PITPNM3: variants seen among roughly 807,000 people sequenced by gnomAD.
The protein encoded by PITPNM3 is PITPNM family member 3.
A neutral mutation model predicts 102.0 loss-of-function variants in PITPNM3; 26 were observed. The observed-to-expected ratio is 0.25, with a 90% CI of 0.19 to 0.35. The LOEUF (loss-of-function observed/expected upper bound fraction) is 0.35. Among genes scored for constraint, PITPNM3 ranks in the 10% least tolerant of loss-of-function variants. PITPNM3 has a pLI of 1.00. For synonymous variants in PITPNM3, 578 were observed against 558.6 expected (o/e 1.03, Z -0.49); for missense variants, 1,083 against 1,346.1 (o/e 0.80, Z 3.06).
chr17:6,500,334 A>G (rs17202194), intron 4 of PITPNM3, among the ~76,000 whole-genome samples: 34,039 of 152,192 alleles, frequency 0.22, 3,924 homozygotes, highest in South Asian at 0.31. Context: ...AATGCAAGCC[A>G]TTGCGATTCT....
At chr17:6,465,121 C>T (rs935339104) in intron 14 of PITPNM3, among the ~76,000 whole-genome samples, 6 of 152,174 alleles carry the variant, frequency 3.9e-5, no homozygotes, top group Admixed American at 2.0e-4. Flanking sequence ...GGCGCAATCT[C>T]GGCTCACCGC....
At chr17:6,473,113 G>C (rs777231128) in intron 10 of PITPNM3, 138 of 477,842 alleles carry the variant, frequency 2.9e-4, no homozygotes, top group Admixed American at 1.6e-3. Flanking sequence ...CCTTCTCCTT[G>C]TGGGCCCTCC....
intron 3 of PITPNM3, among the ~76,000 whole-genome samples, chr17:6,513,968 A>G (rs1003417226): frequency 1.2e-4 from 19 of 152,220 alleles, no homozygotes; most frequent in African/African-American, 4.1e-4. Context: ...AAATAAACCC[A>G]TATGTCTATG....
intron 1 of PITPNM3, among the ~76,000 whole-genome samples, chr17:6,549,416 C>T (rs1008087547): frequency 6.6e-6 from 1 of 152,234 alleles, no homozygotes; most frequent in African/African-American, 2.4e-5. Flanking sequence ...CAAATCCAGC[C>T]CTAGGAGAGC....
At chr17:6,534,183 C>G (rs1366043646) in intron 2 of PITPNM3, among the ~76,000 whole-genome samples, 2 of 152,200 alleles carry the variant, frequency 1.3e-5, no homozygotes, top group Non-Finnish European at 2.9e-5. Context: ...CCTGTCTTGA[C>G]AGGGGAGGGA....
chr17:6,503,476 T>C, intron 4 of PITPNM3, 51 bp downstream of exon 4: 1 of 1,586,974 alleles, frequency 6.3e-7, no homozygotes, highest in Admixed American at 1.7e-5. Flanking sequence ...TCAATGAGCT[T>C]GCACCCATCC....
intron 10 of PITPNM3, 144 bp downstream of exon 10, chr17:6,474,288 C>A: frequency 8.4e-7 from 1 of 1,186,684 alleles, no homozygotes; most frequent in Non-Finnish European, 1.2e-6. Flanking sequence ...CTCTTCCCCA[C>A]CCTCTCTCCT....
chr17:6,514,942 T>C (rs920832125), intron 3 of PITPNM3, among the ~76,000 whole-genome samples: 2 of 152,192 alleles, frequency 1.3e-5, no homozygotes, highest in African/African-American at 4.8e-5. Flanking sequence ...TGACTTATGC[T>C]ACAACGTGGA....
chr17:6,497,072 C>A (rs1906876291), intron 4 of PITPNM3, among the ~76,000 whole-genome samples: 1 of 152,174 alleles, frequency 6.6e-6, no homozygotes, highest in Non-Finnish European at 1.5e-5. Context: ...ACGTCTGCCA[C>A]CCTGAGCTCA....
In PITPNM3 at chr17:6,521,622, A is replaced by AT. The variant is rs1417524773; in HGVS notation, c.226+3733_226+3734insA. On this transcript the variant is annotated intron_variant, in intron 3 of 19. Coordinates refer to ENST00000262483, the MANE Select transcript of PITPNM3 (RefSeq NM_031220.4). ...TGAAGGATCCCTTTCCATTAAAAAA[A>AT]AATATATATATATACTGGGCAATAT... Among the ~76,000 whole-genome samples the AT allele has an allele frequency of 1.6e-3, 236 of 151,664 alleles. 1 individual carries two copies. Among genetic ancestry groups the AT allele is most frequent in the African/African-American group, 4.9e-3 (204 of 41,478 alleles).
intron 1 of PITPNM3, among the ~76,000 whole-genome samples, chr17:6,552,004 G>A (rs1241338399): frequency 6.6e-6 from 1 of 152,260 alleles, no homozygotes; most frequent in South Asian, 2.1e-4. Flanking sequence ...CCTCTCACGG[G>A]CCCTCAGCGA....
Position 6,463,723 on chromosome 17 carries a change from G to A in PITPNM3, c.2306+9C>T. ...GGGAGATATAGCCCTCGTGGAAGGT[G>A]GCACTCACCGGACAACATCCACTGC... On this transcript the variant is annotated intron_variant, in intron 17 of 19. Transcript: ENST00000262483. 6.2e-7 allele frequency: 1 copy of A among 1,610,654 alleles called. No individual in the cohort carries two copies. The highest frequency in any genetic ancestry group is 8.5e-7 in the Non-Finnish European group (1 of 1,179,532).
rs1904656986 is a variant in PITPNM3 at position 6,464,405 on chromosome 17, G to A, written c.2008-87C>T. On this transcript the variant is annotated intron_variant, in intron 15 of 19. Transcript: ENST00000262483. ...GGGCTGGGCGGGGGAACTCTGGGCT[G>A]AGGTCCCTGCCTGACATTCCCTGGC... The A allele has an allele frequency of 2.8e-6, 4 of 1,417,934 alleles. No homozygotes were observed. The African/African-American group carries it at 4.2e-5, about 15-fold the overall frequency. The allele number at this position is 1,417,934 out of a possible 1,614,324, so 87.8% of individuals were successfully genotyped here. A position where few individuals can be genotyped will look rare whatever the true frequency, so the allele number is the denominator to read the frequency against.
At chr17:6,503,807 C>T (rs1907329017) in intron 3 of PITPNM3, among the ~76,000 whole-genome samples, 1 of 152,150 alleles carries the variant, frequency 6.6e-6, no homozygotes, top group Non-Finnish European at 1.5e-5. Context: ...CCTCTGCCTC[C>T]TCAGGCGTTT....
chr17:6,540,411 C>T (rs77346622), intron 1 of PITPNM3, among the ~76,000 whole-genome samples: 236 of 152,242 alleles, frequency 1.6e-3, no homozygotes, highest in African/African-American at 5.5e-3. Flanking sequence ...ATAATTACAG[C>T]CTAAAGAACA....
rs375235477 is a variant in PITPNM3 at position 6,483,741 on chromosome 17, C to T, written c.363G>A (p.Pro121=). Residue 121 remains proline, a synonymous_variant, in exon 6 of 20, where the codon CCG becomes CCA. Coordinates refer to ENST00000262483, the MANE Select transcript of PITPNM3 (RefSeq NM_031220.4). ...GGACATGTGTCTTGCAGGAGCGCTGCGGGCAGCCTTCCTGAGAGCCAAGGC... is the reference window on the plus strand; with the variant it reads ...GGACATGTGTCTTGCAGGAGCGCTGTGGGCAGCCTTCCTGAGAGCCAAGGC... ...EIHEDSEEGC[P]QRSCKTHVLL... 50 of 1,612,552 alleles carry T rather than the reference C, an allele frequency of 3.1e-5. No homozygotes were observed. In the African/African-American group the frequency reaches 4.1e-4, roughly 13 times the overall value.
rs62061056 is a variant in PITPNM3 at position 6,474,682 on chromosome 17, G to C, written c.1086-78C>G. The C allele has an allele frequency of 9.4e-3, 13,823 of 1,471,368 alleles. 109 individuals carry two copies. The highest frequency in any genetic ancestry group is 9.5e-3 in the Non-Finnish European group (10,371 of 1,094,596). 91.1% of individuals were successfully genotyped at this position (1,471,368 alleles called of 1,614,324 possible). A position where few individuals can be genotyped will look rare whatever the true frequency, so the allele number is the denominator to read the frequency against. ...GCGGGAGTGTTCACACAGCAGCGCA[G>C]CCTGAATTCTGAGCGTGAAGTGCCC... On this transcript the variant is annotated intron_variant, in intron 9 of 19. Coordinates refer to ENST00000262483, the MANE Select transcript of PITPNM3 (RefSeq NM_031220.4).
chr17:6,487,428 C>T (rs1906163588), intron 4 of PITPNM3, among the ~76,000 whole-genome samples: 1 of 152,118 alleles, frequency 6.6e-6, no homozygotes, highest in African/African-American at 2.4e-5. Flanking sequence ...GGCACAGAGC[C>T]AGGACCACAG....
In PITPNM3 at chr17:6,458,473, G is replaced by A. The variant is rs1256305063; in HGVS notation, c.2491-751C>T. On this transcript the variant is annotated intron_variant, in intron 18 of 19. Transcript: ENST00000262483. The surrounding 1 kb of genome is among the most constrained non-coding windows in gnomAD (Gnocchi z 5.1). ...TGGGATGACCCACGGTCTGCATGAC[G>A]TGAAGGATCTACCACCTCCCACCCG... is the stretch of plus-strand genomic sequence containing the variant. Among the ~76,000 whole-genome samples the A allele has an allele frequency of 1.3e-5, 2 of 152,146 alleles. No individual in the cohort carries two copies. Among genetic ancestry groups the A allele is most frequent in the South Asian group, 4.1e-4 (2 of 4,828 alleles).
Sources: gnomAD v4.1 joint callset for allele counts (sites outside exome capture counted in the v4.1 genomes callset) on GRCh38, gnomAD v4.1.1 for gene constraint, Gnocchi (gnomAD v3.1) non-coding constraint, MANE v1.5 for transcripts, NCBI Gene and HGNC (gene_info 2026-07-23, HGNC 2026-07-21) for gene names.